SYT1: variants seen among roughly 807,000 people sequenced by gnomAD.
SYT1 encodes synaptotagmin-1.
SYT1 carries 8 observed loss-of-function variants against 44.8 expected under a neutral mutation model. That is an observed-to-expected ratio of 0.18 (90% CI 0.10 to 0.32). SYT1 has a LOEUF of 0.32. Among genes scored for constraint, SYT1 ranks in the 10% least tolerant of loss-of-function variants. The pLI is 1.00. For missense variants in SYT1, 286 were observed against 509.3 expected (o/e 0.56, Z 4.22); for synonymous variants, 154 against 188.8 (o/e 0.82, Z 1.51).
At chr12:79,145,194 C>T (rs1423920519) in intron 3 of SYT1, among the ~76,000 whole-genome samples, 1 of 152,088 alleles carries the variant, frequency 6.6e-6, no homozygotes, top group Non-Finnish European at 1.5e-5. Flanking sequence ...GTAACAAATC[C>T]ACTTAATATT....
At chr12:79,035,004 G>A (rs1873038957) in intron 2 of SYT1, among the ~76,000 whole-genome samples, 1 of 151,522 alleles carries the variant, frequency 6.6e-6, no homozygotes, top group African/African-American at 2.4e-5. Context: ...ACTTCCTCTA[G>A]GCTGTAATTT....
intron 9 of SYT1, among the ~76,000 whole-genome samples, chr12:79,424,426 G>A (rs1281123802): frequency 1.3e-5 from 2 of 152,122 alleles, no homozygotes; most frequent in Non-Finnish European, 2.9e-5. Context: ...AAAGGTTTTA[G>A]TGAAATTCCA....
intron 8 of SYT1, among the ~76,000 whole-genome samples, chr12:79,349,209 C>T (rs964544987): frequency 2.0e-5 from 3 of 149,440 alleles, no homozygotes; most frequent in Non-Finnish European, 4.5e-5. Flanking sequence ...AAGGAAGGAA[C>T]GATGGAAGGA....
At chr12:79,144,528 C>A (rs941435393) in intron 3 of SYT1, among the ~76,000 whole-genome samples, 3 of 152,170 alleles carry the variant, frequency 2.0e-5, no homozygotes, top group Non-Finnish European at 4.4e-5. Flanking sequence ...GCATCCATGG[C>A]CCAGGATGTA....
intron 1 of SYT1, among the ~76,000 whole-genome samples, chr12:78,922,330 G>C (rs999271805): frequency 3.3e-5 from 5 of 151,816 alleles, no homozygotes; most frequent in African/African-American, 1.2e-4. Context: ...TAAAGGACTT[G>C]GAGTTGCAAG....
At chr12:78,929,432 A>C (rs1048219372) in intron 1 of SYT1, among the ~76,000 whole-genome samples, 8 of 144,012 alleles carry the variant, frequency 5.6e-5, no homozygotes, top group Non-Finnish European at 1.1e-4. Context: ...AAAAAAAAAA[A>C]AAAAAAAAAA....
chr12:79,350,276 G>A (rs1277278354), intron 8 of SYT1, among the ~76,000 whole-genome samples: 1 of 132,066 alleles, frequency 7.6e-6, no homozygotes, highest in African/African-American at 3.0e-5. Context: ...TTTTTGAGAC[G>A]GAGTCTCGCT....
chr12:78,982,039 G>C (rs1869301818), intron 2 of SYT1, among the ~76,000 whole-genome samples: 1 of 152,078 alleles, frequency 6.6e-6, no homozygotes, highest in East Asian at 1.9e-4. Context: ...GGTCTTAGCA[G>C]CCCTAAGCAG....
intron 8 of SYT1, among the ~76,000 whole-genome samples, chr12:79,344,754 G>T (rs1033602339): frequency 1.3e-5 from 2 of 152,058 alleles, no homozygotes; most frequent in Admixed American, 1.3e-4. Context: ...ACCACACCCG[G>T]CCTACTGTCA....
intron 4 of SYT1, among the ~76,000 whole-genome samples, chr12:79,247,422 A>G (rs1330831827): frequency 2.0e-5 from 3 of 152,200 alleles, no homozygotes; most frequent in Non-Finnish European, 4.4e-5. Context: ...CCTAGAATTA[A>G]CATACCACTG....
At chr12:79,042,263 T>A (rs1873642482) in intron 2 of SYT1, among the ~76,000 whole-genome samples, 1 of 151,504 alleles carries the variant, frequency 6.6e-6, no homozygotes, top group South Asian at 2.1e-4. Flanking sequence ...CCTGGACTCT[T>A]TTTGGTTGGT....
chr12:79,252,241 T>G (rs999441406), intron 4 of SYT1, among the ~76,000 whole-genome samples: 3 of 152,158 alleles, frequency 2.0e-5, no homozygotes, highest in Non-Finnish European at 2.9e-5. Context: ...ATTATAAGAT[T>G]ATTGTACATA....
At chr12:79,353,103 G>A (rs550043540) in intron 8 of SYT1, among the ~76,000 whole-genome samples, 3 of 152,250 alleles carry the variant, frequency 2.0e-5, no homozygotes, top group Admixed American at 6.5e-5. Context: ...AATTTAGGTC[G>A]ATTGATTCAA....
chr12:78,980,144 A>G (rs763377875), intron 2 of SYT1, among the ~76,000 whole-genome samples: 2 of 152,160 alleles, frequency 1.3e-5, no homozygotes, highest in Non-Finnish European at 2.9e-5. Flanking sequence ...AATTTAATAT[A>G]CCAAACTCTA....
intron 3 of SYT1, among the ~76,000 whole-genome samples, chr12:79,181,925 T>A (rs1275245437): frequency 6.6e-6 from 1 of 152,078 alleles, no homozygotes; most frequent in Non-Finnish European, 1.5e-5. Context: ...TACCTCATCC[T>A]CCATGCTCTT....
intron 8 of SYT1, among the ~76,000 whole-genome samples, chr12:79,323,082 C>T (rs1275261536): frequency 6.6e-6 from 1 of 151,550 alleles, no homozygotes; most frequent in Non-Finnish European, 1.5e-5. Context: ...AGAACAGTAG[C>T]ATCAATCTAA....
intron 2 of SYT1, among the ~76,000 whole-genome samples, chr12:79,044,791 T>C (rs1164071097): frequency 6.7e-6 from 1 of 149,642 alleles, no homozygotes; most frequent in Non-Finnish European, 1.5e-5. Context: ...GATGGTGATG[T>C]ACAGATGGGT....
intron 3 of SYT1, among the ~76,000 whole-genome samples, chr12:79,052,260 A>T (rs547315208): frequency 1.3e-5 from 2 of 152,086 alleles, no homozygotes. Flanking sequence ...TGTAAGTTGG[A>T]TTCCCTATTT....
intron 3 of SYT1, among the ~76,000 whole-genome samples, chr12:79,203,622 C>T (rs1873926329): frequency 6.6e-6 from 1 of 151,662 alleles, no homozygotes; most frequent in Admixed American, 6.6e-5. Flanking sequence ...CAAAGCAGTA[C>T]TTGTCAGAAA....
Sources: allele counts gnomAD v4.1 joint callset (sites outside exome capture counted in the v4.1 genomes callset), GRCh38; gene constraint gnomAD v4.1.1; transcripts MANE v1.5; gene names NCBI Gene and HGNC (gene_info 2026-07-23, HGNC 2026-07-21).